Variants in ARHGEF38 observed in about 807,000 individuals in gnomAD.
The protein encoded by ARHGEF38 is Rho guanine nucleotide exchange factor (GEF) 38.
ARHGEF38 carries 79 observed loss-of-function variants against 79.9 expected under a neutral mutation model. That is an observed-to-expected ratio of 0.99 (90% CI 0.82 to 1.19). ARHGEF38 has a LOEUF of 1.19. ARHGEF38 is among the 50% of genes most tolerant of loss of function. ARHGEF38 has a pLI of 0.00. For missense variants in ARHGEF38, 962 were observed against 907.2 expected (o/e 1.06, Z -0.78); for synonymous variants, 366 against 328.3 (o/e 1.11, Z -1.24).
At chr4:105,648,848 TTCTC>T (rs374420145) in intron 7 of ARHGEF38, among the ~76,000 whole-genome samples, 166 bp downstream of exon 7, 17 of 108,600 alleles carry the variant, frequency 1.6e-4, no homozygotes, top group East Asian at 6.8e-4. Flanking sequence ...CTCTCTCTCT[TTCTC>T]TCTCTCTCTC....
intron 2 of ARHGEF38, among the ~76,000 whole-genome samples, chr4:105,607,259 A>G (rs1030744180): frequency 6.6e-6 from 1 of 152,112 alleles, no homozygotes; most frequent in African/African-American, 2.4e-5. Context: ...TTAAGGATAA[A>G]ATTATAAAAT....
chr4:105,650,900 G>A (rs1390212261), intron 7 of ARHGEF38, among the ~76,000 whole-genome samples: 1 of 152,080 alleles, frequency 6.6e-6, no homozygotes, highest in African/African-American at 2.4e-5. Context: ...ATCTGAGAAA[G>A]GACAATGAAG....
At chr4:105,570,792 T>C (rs1726185289) in intron 1 of ARHGEF38, among the ~76,000 whole-genome samples, 1 of 152,092 alleles carries the variant, frequency 6.6e-6, no homozygotes, top group Non-Finnish European at 1.5e-5. Flanking sequence ...ATATACACAA[T>C]GGAGCATCAT....
intron 6 of ARHGEF38, among the ~76,000 whole-genome samples, chr4:105,648,183 C>A (rs999038385): frequency 2.6e-5 from 4 of 151,980 alleles, no homozygotes; most frequent in African/African-American, 9.7e-5. Context: ...CCACCGTGCC[C>A]GGCTGAGTTG....
intron 2 of ARHGEF38, among the ~76,000 whole-genome samples, chr4:105,601,777 G>A (rs1466710834): frequency 2.0e-5 from 3 of 152,080 alleles, no homozygotes; most frequent in Non-Finnish European, 2.9e-5. Context: ...ACATGTCCAA[G>A]AATATTCAGA....
intron 7 of ARHGEF38, among the ~76,000 whole-genome samples, chr4:105,653,324 CTTT>C (rs778409804): frequency 4.4e-5 from 6 of 136,514 alleles, no homozygotes; most frequent in Non-Finnish European, 4.8e-5. Flanking sequence ...TTTCACATTT[CTTT>C]TTTTTTTTTT....
intron 3 of ARHGEF38, among the ~76,000 whole-genome samples, chr4:105,621,971 A>G (rs1728752401): frequency 6.6e-6 from 1 of 152,164 alleles, no homozygotes; most frequent in African/African-American, 2.4e-5. Flanking sequence ...TGGTATTTTC[A>G]GGATCAAGGA....
At chr4:105,607,705 T>G (rs1728111671) in intron 2 of ARHGEF38, among the ~76,000 whole-genome samples, 1 of 152,108 alleles carries the variant, frequency 6.6e-6, no homozygotes, top group African/African-American at 2.4e-5. Context: ...AGTAACATTT[T>G]GGCTACAATT....
intron 6 of ARHGEF38, among the ~76,000 whole-genome samples, chr4:105,647,879 T>C (rs773824028): frequency 2.0e-5 from 3 of 150,628 alleles, no homozygotes; most frequent in African/African-American, 4.9e-5. Flanking sequence ...GTCTTGTCTT[T>C]TCTTTTCTAT....
intron 2 of ARHGEF38, among the ~76,000 whole-genome samples, chr4:105,610,775 A>G (rs1728259779): frequency 6.6e-6 from 1 of 152,062 alleles, no homozygotes; most frequent in South Asian, 2.1e-4. Context: ...GTTATTTAGT[A>G]TTTGTGGCAC....
intron 7 of ARHGEF38, among the ~76,000 whole-genome samples, chr4:105,651,190 T>C (rs909971272): frequency 6.6e-6 from 1 of 152,242 alleles, no homozygotes; most frequent in Admixed American, 6.5e-5. Context: ...GTAGTTAAAG[T>C]AGCCTGAAGG....
At chr4:105,623,244 G>A (rs1050211665) in intron 3 of ARHGEF38, among the ~76,000 whole-genome samples, 1 of 152,192 alleles carries the variant, frequency 6.6e-6, no homozygotes, top group Non-Finnish European at 1.5e-5. Context: ...AGCGTGCAGT[G>A]CATTGGCTGG....
intron 1 of ARHGEF38, among the ~76,000 whole-genome samples, chr4:105,578,785 A>T (rs368551091): frequency 1.3e-5 from 2 of 152,130 alleles, no homozygotes; most frequent in Non-Finnish European, 2.9e-5. Context: ...CCATGAATTT[A>T]TATGAATCTT....
At chr4:105,572,451 A>G (rs954716811) in intron 1 of ARHGEF38, among the ~76,000 whole-genome samples, 1 of 152,158 alleles carries the variant, frequency 6.6e-6, no homozygotes, top group Non-Finnish European at 1.5e-5. Flanking sequence ...CATTAAATAC[A>G]TTCATAATGT....
chr4:105,565,628 G>T (rs563365548), intron 1 of ARHGEF38, among the ~76,000 whole-genome samples: 1 of 152,284 alleles, frequency 6.6e-6, no homozygotes, highest in East Asian at 1.9e-4. Context: ...CAGGGAGGGA[G>T]TGTTGGTCAG....
rs1366384114 is a variant in ARHGEF38, at chr4:105,667,638, G to T, written c.2083G>T (p.Gly695Cys). Residue 695 changes from glycine (G) to cysteine (C), a missense_variant, in exon 13 of 14, where the codon GGC (glycine) becomes TGC (cysteine). Gly to Cys is a radical substitution (Grantham distance 159, BLOSUM62 -3). Transcript: ENST00000420470. Reference protein sequence around the residue: ...SIGDSSSSLSGTCGKFETNGT... With the variant: ...SIGDSSSSLSCTCGKFETNGT... ...TGGTGATAGCAGCTCATCTCTTAGTGGCACATGTGGAAAGTTTGAAACAAA... is the reference window on the plus strand; with the variant it reads ...TGGTGATAGCAGCTCATCTCTTAGTTGCACATGTGGAAAGTTTGAAACAAA... 1 of 1,536,510 alleles carries T rather than the reference G, an allele frequency of 6.5e-7. No homozygotes were observed.
At chr4:105,662,710 T>C (rs191905357) in intron 10 of ARHGEF38, among the ~76,000 whole-genome samples, 177 of 152,320 alleles carry the variant, frequency 1.2e-3, no homozygotes, top group African/African-American at 4.0e-3. Flanking sequence ...ATTATTTCGA[T>C]AATTTCATTC....
At chr4:105,616,270 G>A (rs1728503944) in intron 3 of ARHGEF38, among the ~76,000 whole-genome samples, 1 of 152,066 alleles carries the variant, frequency 6.6e-6, no homozygotes, top group African/African-American at 2.4e-5. Flanking sequence ...ATTCATGTTT[G>A]TATTAGTCAG....
intron 1 of ARHGEF38, among the ~76,000 whole-genome samples, chr4:105,564,180 C>A (rs1725773691): frequency 6.6e-6 from 1 of 151,724 alleles, no homozygotes; most frequent in Admixed American, 6.6e-5. Flanking sequence ...ATCTATTGTG[C>A]AAAGAAAAAA....
Sources: allele counts gnomAD v4.1 joint callset (sites outside exome capture counted in the v4.1 genomes callset), GRCh38; gene constraint gnomAD v4.1.1; transcripts MANE v1.5; gene names NCBI Gene and HGNC (gene_info 2026-07-23, HGNC 2026-07-21).